RBFOX1: variants seen among roughly 807,000 people sequenced by gnomAD.
RBFOX1 encodes the protein RNA binding protein fox-1 homolog 1.
RBFOX1 carries 8 observed loss-of-function variants against 57.7 expected under a neutral mutation model. The observed-to-expected ratio is 0.14, with a 90% CI of 0.08 to 0.25. The LOEUF is 0.25. RBFOX1 is among the 10% of genes least tolerant of loss of function. The probability of loss-of-function intolerance (pLI) is 1.00; values close to 1 mark genes in which losing one functional copy is unlikely to be tolerated. For synonymous variants in RBFOX1, 326 were observed against 222.4 expected (o/e 1.47, Z -4.15); for missense variants, 611 against 548.5 (o/e 1.11, Z -1.14).
chr16:7,488,927 C>G (rs1185740581), intron 4 of RBFOX1, among the ~76,000 whole-genome samples: 1 of 152,208 alleles, frequency 6.6e-6, no homozygotes, highest in Non-Finnish European at 1.5e-5. Context: ...ATCCATCAGT[C>G]TGTATACTTC....
chr16:5,571,405 G>T (rs1218860448), intron 2 of RBFOX1, among the ~76,000 whole-genome samples: 3 of 151,624 alleles, frequency 2.0e-5, no homozygotes, highest in African/African-American at 7.3e-5. Context: ...AGTAGAGATG[G>T]GGTTTCACCC....
At chr16:6,717,023 C>T (rs564223360) in intron 3 of RBFOX1, among the ~76,000 whole-genome samples, 15 of 152,282 alleles carry the variant, frequency 9.9e-5, no homozygotes, top group East Asian at 5.8e-4. Context: ...TCTCTTTTCT[C>T]TCAACCATGT....
chr16:5,906,104 C>G (rs1166932341), intron 4 of RBFOX1, among the ~76,000 whole-genome samples: 1 of 152,112 alleles, frequency 6.6e-6, no homozygotes, highest in Non-Finnish European at 1.5e-5. Context: ...GCAGCAAACA[C>G]CTCAACTGGT....
intron 3 of RBFOX1, among the ~76,000 whole-genome samples, chr16:6,789,691 T>G (rs2082574080): frequency 6.6e-6 from 1 of 152,148 alleles, no homozygotes; most frequent in African/African-American, 2.4e-5. Flanking sequence ...CATCCTTTTC[T>G]TGTTTCATTT....
At chr16:6,776,387 G>A (rs775305155) in intron 3 of RBFOX1, among the ~76,000 whole-genome samples, 9 of 151,834 alleles carry the variant, frequency 5.9e-5, no homozygotes, top group Non-Finnish European at 1.0e-4. Flanking sequence ...CTCCAGCCTG[G>A]GTGACAGAGT....
At chr16:5,489,233 C>G (rs772248565) in intron 2 of RBFOX1, among the ~76,000 whole-genome samples, 1 of 152,272 alleles carries the variant, frequency 6.6e-6, no homozygotes, top group Non-Finnish European at 1.5e-5. Flanking sequence ...TCCTCTCATG[C>G]TTCCCTTGGC....
chr16:7,424,880 C>G (rs1013923924), intron 4 of RBFOX1, among the ~76,000 whole-genome samples: 1 of 151,900 alleles, frequency 6.6e-6, no homozygotes, highest in East Asian at 1.9e-4. Context: ...CTGAATGACC[C>G]CCTACTGAGG....
At chr16:6,816,910 G>GT (rs201460820) in intron 3 of RBFOX1, among the ~76,000 whole-genome samples, 2,773 of 151,696 alleles carry the variant, frequency 0.018, 88 homozygotes, top group African/African-American at 0.062. Context: ...ATGCCTAGCT[G>GT]TTTTTTTTGT....
chr16:6,480,886 C>T (rs1332174586), intron 2 of RBFOX1, among the ~76,000 whole-genome samples: 1 of 152,154 alleles, frequency 6.6e-6, no homozygotes, highest in Admixed American at 6.5e-5. Flanking sequence ...CTTTTCACTG[C>T]TATATGGTAT....
At chr16:6,061,377 A>G (rs1376969955) in intron 1 of RBFOX1, among the ~76,000 whole-genome samples, 1 of 152,152 alleles carries the variant, frequency 6.6e-6, no homozygotes, top group Non-Finnish European at 1.5e-5. Flanking sequence ...TCAAAGAATA[A>G]ATATCTGAAA....
intron 3 of RBFOX1, among the ~76,000 whole-genome samples, chr16:6,791,549 A>C (rs113635409): frequency 2.0e-3 from 308 of 152,278 alleles, no homozygotes; most frequent in African/African-American, 7.1e-3. Flanking sequence ...TCTTGAGGTC[A>C]GGAGTTCGAA....
chr16:6,615,246 G>T (rs976984706), intron 2 of RBFOX1, among the ~76,000 whole-genome samples: 1 of 152,168 alleles, frequency 6.6e-6, no homozygotes, highest in Non-Finnish European at 1.5e-5. Flanking sequence ...AGTGGATTTA[G>T]ACTAGAATCT....
In RBFOX1 at chr16:7,647,921, T is replaced by A. The variant is rs181980498; in HGVS notation, c.758-5894T>A. ...CTCAAAGTAAACATGTAAGAGGTTCTCTTTCTATGTGGTCAAAAAACAGTT... is the reference window on the plus strand; with the variant it reads ...CTCAAAGTAAACATGTAAGAGGTTCACTTTCTATGTGGTCAAAAAACAGTT... On this transcript the variant is annotated intron_variant, in intron 11 of 15. Transcript: ENST00000550418. Among the ~76,000 whole-genome samples, 215 of 152,314 alleles carry A rather than the reference T, an allele frequency of 1.4e-3. 1 individual carries two copies. Among genetic ancestry groups the A allele is most frequent in the African/African-American group, 5.0e-3 (208 of 41,562 alleles).
chr16:5,258,858 G>A (rs1347470087), intron 1 of RBFOX1, among the ~76,000 whole-genome samples: 2 of 152,044 alleles, frequency 1.3e-5, no homozygotes, highest in Non-Finnish European at 2.9e-5. Context: ...GGAAGTTGCA[G>A]TGAGCTAAGA....
At chr16:6,976,975 A>C (rs962499440) in intron 3 of RBFOX1, among the ~76,000 whole-genome samples, 3 of 147,416 alleles carry the variant, frequency 2.0e-5, no homozygotes, top group Admixed American at 6.9e-5. Flanking sequence ...ATCCTATATC[A>C]CATATCATAT....
chr16:7,095,460 A>G (rs1164750438), intron 4 of RBFOX1, among the ~76,000 whole-genome samples: 1 of 152,074 alleles, frequency 6.6e-6, no homozygotes, highest in Admixed American at 6.5e-5. Flanking sequence ...CCTTAATAGA[A>G]CTCATGACAA....
At chr16:7,653,751 C>A (rs1010819020) in intron 11 of RBFOX1, 64 bp from the exon 12 acceptor site, 2 of 1,597,890 alleles carry the variant, frequency 1.3e-6, no homozygotes, top group African/African-American at 2.7e-5. Flanking sequence ...GGGCAGTTCC[C>A]TCCACAGCAG....
intron 4 of RBFOX1, chr16:7,126,483 A>C (rs1298852435): frequency 4.3e-6 from 1 of 230,114 alleles, no homozygotes; most frequent in East Asian, 1.1e-4. Context: ...TGCTTCAGAA[A>C]CATCCCTGAC....
At chr16:5,733,503 G>A (rs1398367077) in intron 3 of RBFOX1, among the ~76,000 whole-genome samples, 1 of 152,138 alleles carries the variant, frequency 6.6e-6, no homozygotes, top group African/African-American at 2.4e-5. Context: ...GCCCTGGGCC[G>A]GGGTGGTCAT....
Sources: gnomAD v4.1 joint callset for allele counts (sites outside exome capture counted in the v4.1 genomes callset) on GRCh38, gnomAD v4.1.1 for gene constraint, MANE v1.5 for transcripts, NCBI Gene and HGNC (gene_info 2026-07-23, HGNC 2026-07-21) for gene names.